Variants in LDLRAD4 observed in about 807,000 individuals in gnomAD.
LDLRAD4 encodes the protein low density lipoprotein receptor class A domain containing 4, also known as low-density lipoprotein receptor class A domain-containing protein 4.
In LDLRAD4, 5 loss-of-function variants were observed where a neutral mutation model predicts 17.0. The ratio of observed to expected loss-of-function variants is 0.29; its 90% CI spans 0.15 to 0.62. The LOEUF is 0.62. LDLRAD4 is among the 20% of genes least tolerant of loss of function. The pLI is 0.84. For missense variants in LDLRAD4, 340 were observed against 424.7 expected, an observed-to-expected ratio of 0.80 and a Z score of 1.75; for synonymous variants, 168 against 171.8, an observed-to-expected ratio of 0.98 and a Z score of 0.17.
chr18:13,611,752 G>C (rs2039579646), intron 3 of LDLRAD4: 1 of 985,598 alleles, frequency 1.0e-6, no homozygotes, highest in Non-Finnish European at 1.2e-6. Context: ...GAGGCAGAGG[G>C]AGAGGGAATG....
At chr18:13,590,108 T>C (rs1263767000) in intron 3 of LDLRAD4, among the ~76,000 whole-genome samples, 1 of 150,702 alleles carries the variant, frequency 6.6e-6, no homozygotes, top group African/African-American at 2.4e-5. Flanking sequence ...TGCATGTGTG[T>C]GACTGCATGT....
chr18:13,374,066 G>A (rs2084712002), intron 1 of LDLRAD4, among the ~76,000 whole-genome samples: 1 of 152,210 alleles, frequency 6.6e-6, no homozygotes, highest in South Asian at 2.1e-4. Context: ...CGTGGAATTT[G>A]CTTTTACCTT....
chr18:13,469,375 A>C (rs1345095961), intron 3 of LDLRAD4, among the ~76,000 whole-genome samples: 1 of 152,132 alleles, frequency 6.6e-6, no homozygotes. Flanking sequence ...CAACAATTCC[A>C]CTCCCAGGTG....
chr18:13,455,080 G>A (rs1016763024), intron 3 of LDLRAD4, among the ~76,000 whole-genome samples: 5 of 152,212 alleles, frequency 3.3e-5, no homozygotes, highest in Non-Finnish European at 7.4e-5. Context: ...ACACCTGTAT[G>A]TGCAGGAGCT....
At chr18:13,295,768 A>AT (rs1375503091) in intron 1 of LDLRAD4, among the ~76,000 whole-genome samples, 1 of 152,260 alleles carries the variant, frequency 6.6e-6, no homozygotes, top group African/African-American at 2.4e-5. Context: ...CTATGAGGCT[A>AT]TAAGCCTTCT....
At position 13,404,889 on chromosome 18, in the gene LDLRAD4, T is replaced by C. The variant is rs1599996552; in HGVS notation, c.40+17127T>C. ...TATGCGTTTCAGCTGTCGGTGGTGTTTCAGAAATGCATGCAAAAGAATTGA... is the reference window on the plus strand; with the variant it reads ...TATGCGTTTCAGCTGTCGGTGGTGTCTCAGAAATGCATGCAAAAGAATTGA... On this transcript the variant is annotated intron_variant, in intron 2 of 5. Coordinates refer to ENST00000359446, the Ensembl canonical transcript of LDLRAD4. 2.6e-5 allele frequency among the ~76,000 whole-genome samples: 4 copies of C among 152,078 alleles called. No individual in the cohort carries two copies. In the South Asian group the frequency reaches 8.3e-4, roughly 32 times the overall value.
intron 3 of LDLRAD4, among the ~76,000 whole-genome samples, chr18:13,582,916 T>C (rs1340324150): frequency 1.3e-5 from 2 of 152,126 alleles, no homozygotes; most frequent in African/African-American, 4.8e-5. Context: ...GGGGTCTTGC[T>C]ATGTTGCCCA....
At chr18:13,412,777 C>T (rs957504114) in intron 2 of LDLRAD4, among the ~76,000 whole-genome samples, 4 of 152,144 alleles carry the variant, frequency 2.6e-5, no homozygotes, top group Admixed American at 6.6e-5. Context: ...GAATAGCACC[C>T]GGCAGCCAGT....
chr18:13,376,229 C>T (rs561763983), intron 1 of LDLRAD4, among the ~76,000 whole-genome samples: 2 of 152,246 alleles, frequency 1.3e-5, no homozygotes, highest in African/African-American at 4.8e-5. Flanking sequence ...TGGAATAAAT[C>T]GATTCCTACT....
intron 1 of LDLRAD4, among the ~76,000 whole-genome samples, chr18:13,321,568 A>G (rs1229541787): frequency 6.6e-6 from 1 of 152,290 alleles, no homozygotes. Flanking sequence ...ATAAGGTATT[A>G]AGAATAAACA....
At chr18:13,545,260 A>G (rs1439425369) in intron 3 of LDLRAD4, among the ~76,000 whole-genome samples, 2 of 152,082 alleles carry the variant, frequency 1.3e-5, no homozygotes, top group African/African-American at 4.8e-5. Context: ...CTTTGACCAC[A>G]TCATTGAGCT....
chr18:13,421,385 A>G (rs2089437199), intron 2 of LDLRAD4, among the ~76,000 whole-genome samples: 1 of 152,158 alleles, frequency 6.6e-6, no homozygotes, highest in South Asian at 2.1e-4. Context: ...CGCTCACTGC[A>G]GCTGGGTGTG....
exon 6 of LDLRAD4, chr18:13,648,877 CAGAAACTCT>C (rs1164947020): frequency 6.6e-6 from 1 of 152,152 alleles, no homozygotes; most frequent in Non-Finnish European, 1.5e-5. Context: ...TTTGCTTTTT[CAGAAACTCT>C]AGCATTCTCT....
At chr18:13,317,958 T>G (rs776565872) in intron 1 of LDLRAD4, among the ~76,000 whole-genome samples, 2 of 152,228 alleles carry the variant, frequency 1.3e-5, no homozygotes, top group Non-Finnish European at 2.9e-5. Context: ...TTAATCTTTA[T>G]CAGTGTACAC....
rs576575413 is a variant in LDLRAD4, at chr18:13,635,595, T to TG, written c.337-7760dup. On this transcript the variant is annotated intron_variant, in intron 4 of 5. Transcript: ENST00000359446. The stretch of plus-strand genomic sequence containing the variant: ...TTTGGTGTCAAGCAGATTGAATTTG[T>TG]GGGGAGTTTTCCTGTTAGTGTGGCT... Among the ~76,000 whole-genome samples, 447 of 152,310 alleles carry TG rather than the reference T, an allele frequency of 2.9e-3. 2 individuals are homozygous for TG. The highest frequency in any genetic ancestry group is 0.01 in the Middle Eastern group (3 of 294).
At position 13,367,338 on chromosome 18, in the gene LDLRAD4, G is replaced by A. The variant is rs1057457717; in HGVS notation, c.-382-20003G>A. Among the ~76,000 whole-genome samples, 1 of 152,224 alleles carries A rather than the reference G, an allele frequency of 6.6e-6. No homozygotes were observed. Among genetic ancestry groups the A allele is most frequent in the Non-Finnish European group, 1.5e-5 (1 of 68,032 alleles). On this transcript the variant is annotated intron_variant, in intron 1 of 5. Coordinates refer to ENST00000359446, the Ensembl canonical transcript of LDLRAD4. The surrounding 1 kb of genome is among the most constrained non-coding windows in gnomAD (Gnocchi z 4.1). ...TGTGATTGGCAGGTGGGGCAGAGGG[G>A]CCTGGGAGATGAGGTCCCGCTGTGC... is the stretch of plus-strand genomic sequence containing the variant.
chr18:13,570,596 A>G (rs1399161640), intron 3 of LDLRAD4, among the ~76,000 whole-genome samples: 2 of 152,206 alleles, frequency 1.3e-5, no homozygotes, highest in East Asian at 1.9e-4. Flanking sequence ...CTCCCGCTGC[A>G]TGGAAAGGGC....
intron 2 of LDLRAD4, among the ~76,000 whole-genome samples, chr18:13,407,421 C>T (rs1189977299): frequency 6.6e-6 from 1 of 152,228 alleles, no homozygotes; most frequent in African/African-American, 2.4e-5. Flanking sequence ...GCTATGTTAG[C>T]ACCGCAGTTG....
chr18:13,416,184 G>A (rs1302395797), intron 2 of LDLRAD4, among the ~76,000 whole-genome samples: 8 of 152,190 alleles, frequency 5.3e-5, no homozygotes, highest in Admixed American at 5.2e-4. Context: ...TCCCTTTGGC[G>A]AAGTGGGCCC....
Sources: allele counts gnomAD v4.1 joint callset (sites outside exome capture counted in the v4.1 genomes callset), GRCh38; gene constraint gnomAD v4.1.1; non-coding constraint Gnocchi (gnomAD v3.1); transcripts MANE v1.5; gene names NCBI Gene and HGNC (gene_info 2026-07-23, HGNC 2026-07-21).